Variants in SLC24A3 observed in about 807,000 individuals in gnomAD.
The protein encoded by SLC24A3 is solute carrier family 24 member 3.
In SLC24A3, 28 loss-of-function variants were observed where a neutral mutation model predicts 75.8. That is an observed-to-expected ratio of 0.37 (90% CI 0.27 to 0.51). SLC24A3 has a LOEUF of 0.51. Ranked by LOEUF, SLC24A3 falls within the 20% of genes least tolerant of loss-of-function variation. The probability of loss-of-function intolerance (pLI) is 0.94; values close to 1 mark genes in which losing one functional copy is unlikely to be tolerated. For synonymous variants in SLC24A3, 372 were observed against 334.1 expected (o/e 1.11, Z -1.24); for missense variants, 663 against 847.8 (o/e 0.78, Z 2.71).
At chr20:19,709,209 C>A (rs1041862992) in intron 15 of SLC24A3, among the ~76,000 whole-genome samples, 1 of 152,178 alleles carries the variant, frequency 6.6e-6, no homozygotes, top group African/African-American at 2.4e-5. Flanking sequence ...TCCTCAGAGT[C>A]ACTGGTGGAG....
chr20:19,518,755 G>T (rs2030044547), intron 3 of SLC24A3, among the ~76,000 whole-genome samples: 1 of 152,214 alleles, frequency 6.6e-6, no homozygotes. Flanking sequence ...GGTTTGTGCT[G>T]CATTAGCTCA....
At chr20:19,390,131 T>A (rs1015913600) in intron 2 of SLC24A3, among the ~76,000 whole-genome samples, 4 of 152,218 alleles carry the variant, frequency 2.6e-5, no homozygotes, top group African/African-American at 9.6e-5. Flanking sequence ...TGATTTTTAT[T>A]TAGTTGTCTG....
At chr20:19,645,515 TGGG>T (rs2032126660) in intron 6 of SLC24A3, among the ~76,000 whole-genome samples, 1 of 151,982 alleles carries the variant, frequency 6.6e-6, no homozygotes, top group Non-Finnish European at 1.5e-5. Flanking sequence ...CCTTAGGAGT[TGGG>T]GGCAATGAAG....
At chr20:19,638,830 T>C (rs982400388) in intron 6 of SLC24A3, among the ~76,000 whole-genome samples, 6 of 152,286 alleles carry the variant, frequency 3.9e-5, no homozygotes, top group African/African-American at 1.4e-4. Flanking sequence ...TTGGCACGTC[T>C]GGAGTTGTTC....
intron 12 of SLC24A3, among the ~76,000 whole-genome samples, chr20:19,686,406 G>A (rs2032675710): frequency 6.6e-6 from 1 of 152,196 alleles, no homozygotes; most frequent in Non-Finnish European, 1.5e-5. Context: ...CATTATCAGA[G>A]CAGGTGGTCC....
intron 2 of SLC24A3, among the ~76,000 whole-genome samples, chr20:19,451,047 G>A (rs1987471777): frequency 2.0e-5 from 3 of 152,136 alleles, no homozygotes; most frequent in South Asian, 4.1e-4. Flanking sequence ...CTGGGGTTTT[G>A]TTAATGCTCC....
chr20:19,299,086 C>T (rs765798087), intron 2 of SLC24A3, among the ~76,000 whole-genome samples: 13 of 152,150 alleles, frequency 8.5e-5, no homozygotes, highest in African/African-American at 2.2e-4. Context: ...GCTAAGTTCC[C>T]GCATCCCCCC....
chr20:19,555,320 G>A (rs1280644389), intron 3 of SLC24A3, among the ~76,000 whole-genome samples: 1 of 152,132 alleles, frequency 6.6e-6, no homozygotes, highest in African/African-American at 2.4e-5. Context: ...TATGTCAGAG[G>A]CCCCTGGTCG....
chr20:19,323,160 C>T (rs563680293), intron 2 of SLC24A3, among the ~76,000 whole-genome samples: 5 of 143,442 alleles, frequency 3.5e-5, no homozygotes, highest in East Asian at 2.0e-4. Context: ...GAGCCGAGAT[C>T]GCGCCACTGC....
chr20:19,654,511 C>T (rs536445183), intron 7 of SLC24A3, among the ~76,000 whole-genome samples: 20 of 152,080 alleles, frequency 1.3e-4, no homozygotes, highest in Admixed American at 7.2e-4. Context: ...AGCCCATTAC[C>T]GTGGCCACCT....
At chr20:19,499,257 G>A (rs1157052292) in intron 2 of SLC24A3, among the ~76,000 whole-genome samples, 1 of 152,218 alleles carries the variant, frequency 6.6e-6, no homozygotes, top group African/African-American at 2.4e-5. Context: ...TACTATCTTA[G>A]TTCTGGCAGC....
chr20:19,276,030 CT>C (rs763775800), intron 1 of SLC24A3, among the ~76,000 whole-genome samples: 1 of 152,182 alleles, frequency 6.6e-6, no homozygotes, highest in Non-Finnish European at 1.5e-5. Context: ...TCAAGTATAG[CT>C]TTGTGGAGCG....
intron 1 of SLC24A3, among the ~76,000 whole-genome samples, chr20:19,269,027 T>C (rs189102455): frequency 1.6e-4 from 25 of 152,370 alleles, no homozygotes; most frequent in African/African-American, 6.0e-4. Flanking sequence ...CTGCCTTGGT[T>C]CTTGGCCTTG....
At chr20:19,228,494 C>G (rs1981928939) in intron 1 of SLC24A3, among the ~76,000 whole-genome samples, 1 of 152,012 alleles carries the variant, frequency 6.6e-6, no homozygotes, top group Non-Finnish European at 1.5e-5. Flanking sequence ...AAAAAATTAG[C>G]CGGGCGTGGG....
intron 6 of SLC24A3, among the ~76,000 whole-genome samples, chr20:19,628,256 C>T (rs956992063): frequency 5.9e-5 from 9 of 151,464 alleles, no homozygotes; most frequent in Admixed American, 1.3e-4. Context: ...TAATCTCAGC[C>T]TGCAGAAGTG....
intron 2 of SLC24A3, among the ~76,000 whole-genome samples, chr20:19,465,970 A>G (rs1987758532): frequency 6.6e-6 from 1 of 152,182 alleles, no homozygotes; most frequent in Admixed American, 6.5e-5. Context: ...AGGGTGAGCC[A>G]GTCCTCTTTA....
In SLC24A3 at chr20:19,212,756, G is replaced by A. The variant is rs962752912; in HGVS notation, c.-87G>A. 1.0e-6 allele frequency: 1 copy of A among 956,902 alleles called. No individual in the cohort carries two copies. The highest frequency in any genetic ancestry group is 1.2e-6 in the Non-Finnish European group (1 of 806,870). The allele number at this position is 956,902 out of a possible 1,614,324, so 59.3% of individuals were successfully genotyped here. On this transcript the variant is annotated 5_prime_UTR_variant, in exon 1 of 17. Transcript: ENST00000328041. ...CGAGGACGCGCGGCTGCTGCGCGCA[G>A]GGCTGCCTCCTGCCGCTGTCCCCGC...
intron 2 of SLC24A3, among the ~76,000 whole-genome samples, chr20:19,336,212 G>A (rs772434142): frequency 1.3e-5 from 2 of 152,000 alleles, no homozygotes; most frequent in African/African-American, 2.4e-5. Context: ...AACTACCCCC[G>A]TTTTTGTGAA....
intron 2 of SLC24A3, among the ~76,000 whole-genome samples, chr20:19,373,819 G>A (rs963686953): frequency 6.6e-6 from 1 of 152,132 alleles, no homozygotes; most frequent in Non-Finnish European, 1.5e-5. Flanking sequence ...CTAAGAGCAT[G>A]ACATGTTTTT....
Sources: gnomAD v4.1 joint callset for allele counts (sites outside exome capture counted in the v4.1 genomes callset) on GRCh38, gnomAD v4.1.1 for gene constraint, MANE v1.5 for transcripts, NCBI Gene and HGNC (gene_info 2026-07-23, HGNC 2026-07-21) for gene names.